TMEFF2: variants seen among roughly 807,000 people sequenced by gnomAD.
TMEFF2 encodes tomoregulin-2.
TMEFF2 carries 28 observed loss-of-function variants against 53.8 expected under a neutral mutation model. The observed-to-expected ratio is 0.52, with a 90% CI of 0.39 to 0.71. The LOEUF (loss-of-function observed/expected upper bound fraction) is 0.71, where lower values mean the gene tolerates loss of function less well. Ranked by LOEUF, TMEFF2 falls within the 30% of genes least tolerant of loss-of-function variation. The pLI, the probability that TMEFF2 is intolerant of heterozygous loss-of-function variation, is 0.00. For missense variants in TMEFF2, 353 were observed against 455.2 expected (o/e 0.78, Z 2.04); for synonymous variants, 162 against 166.3 (o/e 0.97, Z 0.20).
intron 4 of TMEFF2, among the ~76,000 whole-genome samples, chr2:192,101,182 G>A (rs1172883697): frequency 6.6e-6 from 1 of 152,178 alleles, no homozygotes; most frequent in East Asian, 1.9e-4. Flanking sequence ...TAGTGAAACA[G>A]TAGAGTTTAA....
At chr2:192,182,481 T>G (rs1367704546) in intron 3 of TMEFF2, among the ~76,000 whole-genome samples, 1 of 151,982 alleles carries the variant, frequency 6.6e-6, no homozygotes, top group Non-Finnish European at 1.5e-5. Context: ...TACTCGATTG[T>G]GATTAAATTT....
chr2:191,971,567 C>CTATA (rs1172388883), intron 7 of TMEFF2, among the ~76,000 whole-genome samples: 5 of 152,296 alleles, frequency 3.3e-5, no homozygotes, highest in African/African-American at 1.2e-4. Flanking sequence ...TGATGTGTGA[C>CTATA]TATATAGCCC....
At chr2:192,145,106 G>T (rs1690217944) in intron 4 of TMEFF2, among the ~76,000 whole-genome samples, 1 of 151,756 alleles carries the variant, frequency 6.6e-6, no homozygotes, top group Non-Finnish European at 1.5e-5. Context: ...ATTATATAGT[G>T]CTAGTCCTAG....
chr2:192,093,959 C>G (rs535496515), intron 4 of TMEFF2, among the ~76,000 whole-genome samples: 2 of 152,238 alleles, frequency 1.3e-5, no homozygotes, highest in East Asian at 3.9e-4. Context: ...ACACATGGAT[C>G]CATGTTGCTA....
At chr2:192,133,121 T>C (rs1198527799) in intron 4 of TMEFF2, among the ~76,000 whole-genome samples, 2 of 151,998 alleles carry the variant, frequency 1.3e-5, no homozygotes, top group African/African-American at 2.4e-5. Context: ...ACTTAGACAA[T>C]ACTCTTTTAA....
chr2:192,089,946 T>A (rs1688753848), intron 4 of TMEFF2, among the ~76,000 whole-genome samples: 1 of 152,188 alleles, frequency 6.6e-6, no homozygotes, highest in African/African-American at 2.4e-5. Context: ...GACTTCCCTA[T>A]GTAAGATGAC....
chr2:192,162,381 G>A (rs1398128743), intron 4 of TMEFF2, among the ~76,000 whole-genome samples: 3 of 152,226 alleles, frequency 2.0e-5, no homozygotes, highest in East Asian at 1.9e-4. Flanking sequence ...TCCACATTAA[G>A]CTATCTGAAA....
Position 192,045,348 on chromosome 2 carries a change from G to A in TMEFF2, c.536+12331C>T, listed in dbSNP as rs1349534903. On this transcript the variant is annotated intron_variant, in intron 5 of 9. Coordinates refer to ENST00000272771, the MANE Select transcript of TMEFF2 (RefSeq NM_016192.4). Reference sequence around the variant, plus strand: ...TTCATGGACTGTGGCCAATGGTTTGGTAGATGGTCAAGGACTTGAAAGGAA... The same window carrying A: ...TTCATGGACTGTGGCCAATGGTTTGATAGATGGTCAAGGACTTGAAAGGAA... Among the ~76,000 whole-genome samples the A allele has an allele frequency of 1.3e-5, 2 of 152,228 alleles. 1 individual carries two copies. Among genetic ancestry groups the A allele is most frequent in the Middle Eastern group, 6.3e-3 (2 of 316 alleles).
chr2:192,194,488 A>G lies in TMEFF2; in HGVS notation c.37T>C (p.Trp13Arg). 6.2e-7 allele frequency: 1 copy of G among 1,614,014 alleles called. No homozygotes were observed. The highest frequency in any genetic ancestry group is 8.5e-7 in the Non-Finnish European group (1 of 1,180,008). The part of the protein sequence containing the change: ...LWESPRQCSS[W>R]TLCEGFCWLL... Reference sequence around the variant, plus strand: ...CAGCAAAAGCCCTCGCAAAGTGTCCAGCTGCTGCACTGCCGCGGGGACTCC... The same window carrying G: ...CAGCAAAAGCCCTCGCAAAGTGTCCGGCTGCTGCACTGCCGCGGGGACTCC... The change falls in exon 1 of 10, where the codon TGG (tryptophan) becomes CGG (arginine). Residue 13 changes from tryptophan to arginine, a missense_variant. Coordinates refer to ENST00000272771, the MANE Select transcript of TMEFF2 (RefSeq NM_016192.4). The surrounding 1 kb of genome is among the most constrained non-coding windows in gnomAD (Gnocchi z 4.2).
intron 4 of TMEFF2, among the ~76,000 whole-genome samples, chr2:192,175,417 G>A (rs1691017017): frequency 6.6e-6 from 1 of 151,442 alleles, no homozygotes; most frequent in Non-Finnish European, 1.5e-5. Context: ...AATGTTATAT[G>A]AAAATAATTT....
intron 5 of TMEFF2, among the ~76,000 whole-genome samples, chr2:192,007,719 G>A (rs1381409069): frequency 1.3e-5 from 2 of 152,322 alleles, no homozygotes; most frequent in East Asian, 3.9e-4. Context: ...CATGATGAAA[G>A]CGGTGCTTTA....
intron 4 of TMEFF2, among the ~76,000 whole-genome samples, chr2:192,151,473 C>T (rs957614816): frequency 6.6e-6 from 1 of 151,684 alleles, no homozygotes; most frequent in South Asian, 2.1e-4. Flanking sequence ...GATGTCTGAA[C>T]CTGAATCTAA....
At chr2:192,132,467 G>A (rs1238205084) in intron 4 of TMEFF2, among the ~76,000 whole-genome samples, 4 of 151,836 alleles carry the variant, frequency 2.6e-5, no homozygotes, top group Non-Finnish European at 5.9e-5. Context: ...TACCCAATCT[G>A]CTCCTGACAT....
chr2:192,110,115 A>G (rs1255345549), intron 4 of TMEFF2, among the ~76,000 whole-genome samples: 2 of 152,112 alleles, frequency 1.3e-5, no homozygotes, highest in Non-Finnish European at 2.9e-5. Flanking sequence ...GAGACAGAGA[A>G]GTAGTTATTA....
intron 4 of TMEFF2, among the ~76,000 whole-genome samples, chr2:192,072,641 C>T (rs560194996): frequency 1.4e-4 from 21 of 151,860 alleles, no homozygotes; most frequent in African/African-American, 3.6e-4. Context: ...GTTAATGAAA[C>T]GAAATACTTA....
intron 4 of TMEFF2, among the ~76,000 whole-genome samples, chr2:192,098,651 AAAAT>A (rs2105942125): frequency 1.3e-5 from 2 of 152,312 alleles, no homozygotes; most frequent in Admixed American, 1.3e-4. Context: ...TAAAGTTTGA[AAAAT>A]AAATAAAAAT....
intron 4 of TMEFF2, among the ~76,000 whole-genome samples, chr2:192,100,004 T>C (rs1159019649): frequency 1.3e-5 from 2 of 152,174 alleles, no homozygotes; most frequent in Non-Finnish European, 2.9e-5. Flanking sequence ...AGCCTAATAA[T>C]GAATTACAGT....
At chr2:192,165,897 T>C (rs1690753164) in intron 4 of TMEFF2, among the ~76,000 whole-genome samples, 1 of 152,200 alleles carries the variant, frequency 6.6e-6, no homozygotes, top group Admixed American at 6.6e-5. Flanking sequence ...CAAATATCTC[T>C]GAATTTAGAA....
chr2:192,095,349 G>A (rs1019453317), intron 4 of TMEFF2, among the ~76,000 whole-genome samples: 7 of 152,102 alleles, frequency 4.6e-5, no homozygotes, highest in African/African-American at 1.7e-4. Context: ...AAATTATACA[G>A]TTATGTTGGC....
Sources: allele counts gnomAD v4.1 joint callset (sites outside exome capture counted in the v4.1 genomes callset), GRCh38; gene constraint gnomAD v4.1.1; non-coding constraint Gnocchi (gnomAD v3.1); transcripts MANE v1.5; gene names NCBI Gene and HGNC (gene_info 2026-07-23, HGNC 2026-07-21).